The following MAGI2 variants were observed in gnomAD, a reference collection of about 807,000 sequenced individuals.
The protein encoded by MAGI2 is membrane associated guanylate kinase, WW and PDZ domain containing 2, also known as membrane-associated guanylate kinase, WW and PDZ domain-containing protein 2.
Under a neutral mutation model 133.3 loss-of-function variants are expected in MAGI2, and 35 were observed. That is an observed-to-expected ratio of 0.26 (90% CI 0.20 to 0.35). MAGI2 has a LOEUF of 0.35. MAGI2 is among the 10% of genes least tolerant of loss of function. The probability of loss-of-function intolerance (pLI) is 1.00; values close to 1 mark genes in which losing one functional copy is unlikely to be tolerated. For missense variants in MAGI2, 1,636 were observed against 1,863.4 expected (o/e 0.88, Z 2.25); for synonymous variants, 729 against 710.6 (o/e 1.03, Z -0.41).
chr7:78,838,237 C>T (rs1387663165), intron 2 of MAGI2, among the ~76,000 whole-genome samples: 1 of 151,910 alleles, frequency 6.6e-6, no homozygotes, highest in Non-Finnish European at 1.5e-5. Context: ...ATGTTTTTTT[C>T]ATGAATGTAA....
chr7:78,047,326 G>C (rs1292509811), intron 21 of MAGI2, among the ~76,000 whole-genome samples: 1 of 152,134 alleles, frequency 6.6e-6, no homozygotes, highest in East Asian at 1.9e-4. Context: ...GAACTGCCTG[G>C]GGAGGAGAAA....
At chr7:78,118,657 C>A (rs779503621) in intron 20 of MAGI2, among the ~76,000 whole-genome samples, 2 of 152,196 alleles carry the variant, frequency 1.3e-5, no homozygotes, top group Non-Finnish European at 2.9e-5. Flanking sequence ...TGAGATACCA[C>A]TGCATGCCTA....
intron 1 of MAGI2, among the ~76,000 whole-genome samples, chr7:79,188,672 C>A (rs1007456276): frequency 6.6e-6 from 1 of 151,620 alleles, no homozygotes. Context: ...AGCTAAAAAG[C>A]GCTAATATTG....
chr7:78,731,716 GC>G (rs1216824439), intron 2 of MAGI2, among the ~76,000 whole-genome samples: 2 of 152,126 alleles, frequency 1.3e-5, no homozygotes, highest in Non-Finnish European at 2.9e-5. Context: ...AATTTTTGCT[GC>G]TCATGAAATG....
intron 2 of MAGI2, among the ~76,000 whole-genome samples, chr7:78,872,415 A>C (rs1563606954): frequency 6.6e-6 from 1 of 152,144 alleles, no homozygotes. Context: ...TAAGTTAAAT[A>C]AGAAATTGTG....
At chr7:78,831,481 A>T (rs762963273) in intron 2 of MAGI2, among the ~76,000 whole-genome samples, 1 of 151,894 alleles carries the variant, frequency 6.6e-6, no homozygotes, top group Non-Finnish European at 1.5e-5. Flanking sequence ...AGTTCACTGC[A>T]GCTCAAGCAA....
At chr7:79,058,138 C>T (rs958769631) in intron 1 of MAGI2, among the ~76,000 whole-genome samples, 11 of 151,896 alleles carry the variant, frequency 7.2e-5, no homozygotes, top group African/African-American at 2.7e-4. Context: ...GAGAGAACAA[C>T]AAGGCAAAAG....
chr7:78,556,544 G>T (rs1444017464), intron 3 of MAGI2, among the ~76,000 whole-genome samples: 1 of 152,176 alleles, frequency 6.6e-6, no homozygotes, highest in Non-Finnish European at 1.5e-5. Flanking sequence ...ACTAAAATGG[G>T]AGCACTTGAG....
chr7:78,826,669 T>A (rs1426122557), intron 2 of MAGI2, among the ~76,000 whole-genome samples: 1 of 152,114 alleles, frequency 6.6e-6, no homozygotes, highest in Non-Finnish European at 1.5e-5. Context: ...AAAAATTGTT[T>A]AGGAGGTCAG....
chr7:79,443,281 T>TGCGC (rs777517582), intron 1 of MAGI2, among the ~76,000 whole-genome samples: 27 of 69,166 alleles, frequency 3.9e-4, no homozygotes, highest in Admixed American at 2.3e-3. Flanking sequence ...TGTGTGTGTG[T>TGCGC]GTGCGTGTGT....
At chr7:78,545,209 ATTCTTT>A (rs1798727105) in intron 3 of MAGI2, among the ~76,000 whole-genome samples, 4 of 121,000 alleles carry the variant, frequency 3.3e-5, no homozygotes, top group Non-Finnish European at 6.5e-5. Context: ...TAATAACCTG[ATTCTTT>A]TTTTTTTTTT....
At position 79,129,587 on chromosome 7, in the gene MAGI2, T is replaced by G. The variant is rs568381042; in HGVS notation, c.302-122381A>C. ...CAACTGACCCTCAGAAAGAACTAGT[T>G]TAAGTTTGCTTAGTGGTGACAGAAG... On this transcript the variant is annotated intron_variant, in intron 1 of 21. Transcript: ENST00000354212. Among the ~76,000 whole-genome samples, 5 of 152,298 alleles carry G rather than the reference T, an allele frequency of 3.3e-5. No homozygotes were observed. The South Asian group carries it at 1.0e-3, about 32-fold the overall frequency.
intron 6 of MAGI2, among the ~76,000 whole-genome samples, chr7:78,412,817 C>T (rs1416254044): frequency 6.6e-6 from 1 of 152,042 alleles, no homozygotes; most frequent in Non-Finnish European, 1.5e-5. Context: ...ATAAGACCTC[C>T]TATTTGGAGA....
In MAGI2 at chr7:78,636,298, T is replaced by C. The variant is rs527236898; in HGVS notation, c.419-9059A>G. The stretch of plus-strand genomic sequence containing the variant: ...TAAGATAACATGTTGTCAATTTTTG[T>C]TTAAAGCAGCACTGGCATATACTAA... On this transcript the variant is annotated intron_variant, in intron 2 of 21. Transcript: ENST00000354212. Among the ~76,000 whole-genome samples, 14 of 152,208 alleles carry C rather than the reference T, an allele frequency of 9.2e-5. No homozygotes were observed. The South Asian group carries it at 1.9e-3, about 20-fold the overall frequency.
chr7:78,533,271 G>T (rs1797615576), intron 3 of MAGI2, among the ~76,000 whole-genome samples: 1 of 152,116 alleles, frequency 6.6e-6, no homozygotes, highest in Non-Finnish European at 1.5e-5. Context: ...TCACAAATAA[G>T]AGTTTACTTA....
chr7:79,001,053 A>G lies in MAGI2; in HGVS notation c.418+6037T>C, dbSNP rs911502346. 3.9e-5 allele frequency among the ~76,000 whole-genome samples: 6 copies of G among 152,130 alleles called. No homozygotes were observed. The East Asian group carries it at 1.2e-3, about 29-fold the overall frequency. The stretch of plus-strand genomic sequence containing the variant: ...TGCCTCAGCCTCCCAAGTAGCTGGG[A>G]CTGCAGGTGCACACCACCATGCTCA... On this transcript the variant is annotated intron_variant, in intron 2 of 21. Coordinates refer to ENST00000354212, the MANE Select transcript of MAGI2 (RefSeq NM_012301.4).
rs145061527 is a variant in MAGI2 at position 79,075,650 on chromosome 7, C to A, written c.302-68444G>T. Among the ~76,000 whole-genome samples the A allele has an allele frequency of 2.6e-5, 4 of 152,144 alleles. No individual in the cohort carries two copies. The East Asian group carries it at 7.8e-4, about 30-fold the overall frequency. On this transcript the variant is annotated intron_variant, in intron 1 of 21. Transcript: ENST00000354212. ...TGGTGGTGTGTGCCTGTAGTCCCAG[C>A]TACTCAGGATGCTGAGGTGGGGAGT...
chr7:79,430,286 A>T (rs1847687906), intron 1 of MAGI2, among the ~76,000 whole-genome samples: 1 of 152,146 alleles, frequency 6.6e-6, no homozygotes, highest in African/African-American at 2.4e-5. Context: ...CTTCACAATT[A>T]TAGCTACATG....
chr7:79,019,046 T>C (rs1809022977), intron 1 of MAGI2, among the ~76,000 whole-genome samples: 2 of 152,166 alleles, frequency 1.3e-5, no homozygotes, highest in African/African-American at 2.4e-5. Context: ...ATGGACCTAA[T>C]AGACATCTAC....
Sources: allele counts gnomAD v4.1 joint callset (sites outside exome capture counted in the v4.1 genomes callset), GRCh38; gene constraint gnomAD v4.1.1; transcripts MANE v1.5; gene names NCBI Gene and HGNC (gene_info 2026-07-23, HGNC 2026-07-21).